Variants in RABEP1 observed in about 807,000 individuals in gnomAD.
The protein encoded by RABEP1 is rab GTPase-binding effector protein 1.
In RABEP1, 51 loss-of-function variants were observed where a neutral mutation model predicts 123.4. The observed-to-expected ratio is 0.41, with a 90% CI of 0.33 to 0.52. The LOEUF (loss-of-function observed/expected upper bound fraction) is 0.52, where lower values mean the gene tolerates loss of function less well. RABEP1 is among the 20% of genes least tolerant of loss of function. The pLI is 0.16. For missense variants in RABEP1, 888 were observed against 996.3 expected (o/e 0.89, Z 1.46); for synonymous variants, 347 against 355.2 (o/e 0.98, Z 0.26).
At chr17:5,294,847 C>G (rs1409733361) in intron 1 of RABEP1, among the ~76,000 whole-genome samples, 2 of 151,168 alleles carry the variant, frequency 1.3e-5, no homozygotes, top group East Asian at 2.0e-4. Context: ...AGGGTTTCAT[C>G]ACGTTAGCCA....
chr17:5,378,239 C>G lies in RABEP1; in HGVS notation c.2271+7C>G. 6.3e-7 allele frequency: 1 copy of G among 1,579,088 alleles called. No homozygotes were observed. On this transcript the variant is annotated splice_region_variant and intron_variant, in intron 15 of 17. Coordinates refer to ENST00000537505, the MANE Select transcript of RABEP1 (RefSeq NM_004703.6). ...AAAAGTGGAAAAAGGACAGGTAAGT[C>G]GTGAGTTTCAAATTAATTCTATCAG...
intron 11 of RABEP1, among the ~76,000 whole-genome samples, chr17:5,367,510 C>G (rs1002984240): frequency 6.6e-6 from 1 of 151,580 alleles, no homozygotes; most frequent in Non-Finnish European, 1.5e-5. Flanking sequence ...ACTTTGTGAT[C>G]CATCCGCCTC....
intron 15 of RABEP1, 97 bp from the exon 16 acceptor site, chr17:5,380,267 T>G: frequency 1.4e-6 from 1 of 731,668 alleles, no homozygotes; most frequent in East Asian, 2.7e-5. Context: ...GTAGCCCGAG[T>G]GTCTTGGTGT....
chr17:5,354,579 G>A, intron 8 of RABEP1, 89 bp downstream of exon 8: 2 of 1,176,132 alleles, frequency 1.7e-6, no homozygotes, highest in South Asian at 3.6e-5. Flanking sequence ...TTGTTCATAT[G>A]AGAAGTGAGA....
In RABEP1 at chr17:5,308,714, G is replaced by A. The variant is rs762100961; in HGVS notation, c.55G>A (p.Ala19Thr). Residue 19 changes from alanine (A) to threonine (T), a missense_variant, in exon 2 of 18, where the codon GCA becomes ACA. By Grantham distance (58) the Ala-to-Thr change is moderately conservative. Coordinates refer to ENST00000537505, the MANE Select transcript of RABEP1 (RefSeq NM_004703.6). ...QPDVSLQQRV[A>T]ELEKINAEFL... is the part of the protein sequence containing the mutation. ...CCCAGTTTCTCTTCAGCAACGGGTAGCAGAATTGGAAAAAATTAATGCAGA... is the reference window on the plus strand; with the variant it reads ...CCCAGTTTCTCTTCAGCAACGGGTAACAGAATTGGAAAAAATTAATGCAGA... 9 of 1,611,908 alleles carry A rather than the reference G, an allele frequency of 5.6e-6. No individual in the cohort carries two copies. In the East Asian group the frequency reaches 1.6e-4, roughly 28 times the overall value.
intron 2 of RABEP1, among the ~76,000 whole-genome samples, chr17:5,317,046 G>T (rs763635374): frequency 1.6e-4 from 25 of 151,850 alleles, no homozygotes; most frequent in Non-Finnish European, 3.5e-4. Flanking sequence ...CTGGAATTAC[G>T]GGCACCTGCT....
rs184081308 is a variant in RABEP1 at position 5,367,418 on chromosome 17, C to A, written c.1786-952C>A. ...TCCTGAGTAGCTGGGACTACAGGCA[C>A]CCGCCACCACGCCCGGCTAATTTTT... On this transcript the variant is annotated intron_variant, in intron 11 of 17. Coordinates refer to ENST00000537505, the MANE Select transcript of RABEP1 (RefSeq NM_004703.6). 1.1e-4 allele frequency among the ~76,000 whole-genome samples: 17 copies of A among 151,726 alleles called. 1 individual carries two copies. The highest frequency in any genetic ancestry group is 3.6e-4 in the African/African-American group (15 of 41,406).
chr17:5,296,841 G>A (rs1268070138), intron 1 of RABEP1, among the ~76,000 whole-genome samples: 2 of 152,138 alleles, frequency 1.3e-5, no homozygotes, highest in African/African-American at 4.8e-5. Context: ...TGACCCCGTG[G>A]GGTCAGTTGA....
intron 1 of RABEP1, among the ~76,000 whole-genome samples, chr17:5,303,285 A>G (rs2075151843): frequency 6.6e-6 from 1 of 152,090 alleles, no homozygotes; most frequent in Non-Finnish European, 1.5e-5. Context: ...TCTGTCACCC[A>G]GGCTGGAATG....
At chr17:5,306,605 G>A (rs1437399591) in intron 1 of RABEP1, among the ~76,000 whole-genome samples, 2 of 149,704 alleles carry the variant, frequency 1.3e-5, no homozygotes, top group African/African-American at 2.5e-5. Context: ...TCCAGCCTGG[G>A]TGACAGAGTG....
chr17:5,377,335 TAG>T lies in RABEP1; in HGVS notation c.2215+33_2215+34del, dbSNP rs774527564. ...AGATAAAAGTGATGTAGTTTAGAAT[TAG>T]AGTCACTAAATAAAACTTTAGTAAA... On this transcript the variant is annotated intron_variant, in intron 14 of 17. Coordinates refer to ENST00000537505, the MANE Select transcript of RABEP1 (RefSeq NM_004703.6). The T allele has an allele frequency of 4.6e-6, 7 of 1,527,710 alleles. No individual in the cohort carries two copies. In the Admixed American group the frequency reaches 9.2e-5, roughly 20 times the overall value. 94.6% of individuals were successfully genotyped at this position (1,527,710 alleles called of 1,614,324 possible).
At chr17:5,368,107 G>A (rs924631492) in intron 11 of RABEP1, among the ~76,000 whole-genome samples, 1 of 152,044 alleles carries the variant, frequency 6.6e-6, no homozygotes, top group Admixed American at 6.6e-5. Flanking sequence ...GGTCACGTGA[G>A]TTACTGTCTG....
At chr17:5,315,102 A>G (rs971961580) in intron 2 of RABEP1, among the ~76,000 whole-genome samples, 1 of 152,244 alleles carries the variant, frequency 6.6e-6, no homozygotes, top group Non-Finnish European at 1.5e-5. Flanking sequence ...TGTAATTTAT[A>G]TAAAGCTGTT....
Position 5,308,679 on chromosome 17 carries a change from G to A in RABEP1, c.35-15G>A. On this transcript the variant is annotated splice_polypyrimidine_tract_variant and intron_variant, in intron 1 of 17. Transcript: ENST00000537505. ...TAAAAGTTATTACTTGTTAACTAGT[G>A]TTTTTTTCCCCCAGTTTCTCTTCAG... 1.2e-6 allele frequency: 2 copies of A among 1,600,366 alleles called. No homozygotes were observed.
At position 5,332,143 on chromosome 17, in the gene RABEP1, G is replaced by A. The variant is rs1906606349; in HGVS notation, c.358G>A (p.Val120Ile). 1 of 1,613,498 alleles carries A rather than the reference G, an allele frequency of 6.2e-7. No individual in the cohort carries two copies. The highest frequency in any genetic ancestry group is 8.5e-7 in the Non-Finnish European group (1 of 1,179,780). ...AGAAGAAGTTGCTTCACTTCAGGCT[G>A]TTATGAAAGGTAAAGACAGAGAAAG... Reference protein sequence around the residue: ...WREEVASLQAVMKETVRDYEH... With the variant: ...WREEVASLQAIMKETVRDYEH... The change falls in exon 3 of 18, where the codon GTT becomes ATT. Residue 120 changes from valine to isoleucine, a missense_variant. Coordinates refer to ENST00000537505, the MANE Select transcript of RABEP1 (RefSeq NM_004703.6).
At chr17:5,348,717 T>A (rs748431847) in intron 6 of RABEP1, among the ~76,000 whole-genome samples, 1 of 152,038 alleles carries the variant, frequency 6.6e-6, no homozygotes, top group South Asian at 2.1e-4. Flanking sequence ...CCCACCACCA[T>A]GCCTGGCTAA....
At chr17:5,357,626 CT>C (rs1236596918) in intron 8 of RABEP1, among the ~76,000 whole-genome samples, 1 of 152,208 alleles carries the variant, frequency 6.6e-6, no homozygotes, top group Non-Finnish European at 1.5e-5. Context: ...CCACCTCGGC[CT>C]CCCAAAGTGC....
intron 2 of RABEP1, among the ~76,000 whole-genome samples, chr17:5,311,181 T>C (rs1323177923): frequency 6.6e-6 from 1 of 152,152 alleles, no homozygotes; most frequent in Non-Finnish European, 1.5e-5. Flanking sequence ...TCAGAGACGC[T>C]GACTCACTAG....
At chr17:5,326,900 C>T (rs1033463500) in intron 2 of RABEP1, among the ~76,000 whole-genome samples, 6 of 152,130 alleles carry the variant, frequency 3.9e-5, no homozygotes, top group African/African-American at 7.2e-5. Context: ...TGTGCGAACG[C>T]GGAATGTACT....
Sources: allele counts gnomAD v4.1 joint callset (sites outside exome capture counted in the v4.1 genomes callset), GRCh38; gene constraint gnomAD v4.1.1; transcripts MANE v1.5; gene names NCBI Gene and HGNC (gene_info 2026-07-23, HGNC 2026-07-21).